PHKB: variants seen among roughly 807,000 people sequenced by gnomAD.
PHKB encodes the protein phosphorylase kinase regulatory subunit beta.
In PHKB, 122 loss-of-function variants were observed where a neutral mutation model predicts 152.1. That is an observed-to-expected ratio of 0.80 (90% CI 0.69 to 0.93). The LOEUF is 0.93. Among genes scored for constraint, PHKB ranks in the 40% least tolerant of loss-of-function variants. The probability of loss-of-function intolerance (pLI) is 0.00; values close to 1 mark genes in which losing one functional copy is unlikely to be tolerated. For synonymous variants in PHKB, 436 were observed against 464.9 expected (o/e 0.94, Z 0.80); for missense variants, 1,304 against 1,328.4 (o/e 0.98, Z 0.29).
At position 47,689,027 on chromosome 16, in the gene PHKB, C is replaced by T. The variant is rs774556056; in HGVS notation, c.2631-14C>T. On this transcript the variant is annotated splice_polypyrimidine_tract_variant and intron_variant, in intron 26 of 30. Coordinates refer to ENST00000323584, the MANE Select transcript of PHKB (RefSeq NM_000293.3). ...CAAGAGTTATTGATTCATGCTTCCC[C>T]TGTTTTGTTTCAGGTGGATCATCCA... 5 of 1,613,826 alleles carry T rather than the reference C, an allele frequency of 3.1e-6. No individual in the cohort carries two copies. The highest frequency in any genetic ancestry group is 1.3e-5 in the African/African-American group (1 of 75,028).
At chr16:47,603,614 C>T (rs1311263419) in intron 13 of PHKB, among the ~76,000 whole-genome samples, 1 of 151,818 alleles carries the variant, frequency 6.6e-6, no homozygotes, top group African/African-American at 2.4e-5. Flanking sequence ...AGCAATCCTC[C>T]TGCCTCAGCC....
intron 7 of PHKB, among the ~76,000 whole-genome samples, chr16:47,557,805 C>G (rs1160702761): frequency 6.6e-6 from 1 of 152,006 alleles, no homozygotes; most frequent in Admixed American, 6.6e-5. Context: ...ACTAGTTCAA[C>G]CATTGTGGAA....
chr16:47,497,315 C>T, intron 1 of PHKB, 84 bp from the exon 2 acceptor site: 1 of 833,602 alleles, frequency 1.2e-6, no homozygotes, highest in Non-Finnish European at 2.0e-6. Context: ...AGATTAAGCA[C>T]TGCTTCTTCA....
At chr16:47,564,439 G>A (rs1971530739) in intron 7 of PHKB, among the ~76,000 whole-genome samples, 1 of 152,008 alleles carries the variant, frequency 6.6e-6, no homozygotes, top group South Asian at 2.1e-4. Flanking sequence ...GACATTAGTG[G>A]CATTTTTTTC....
In PHKB at chr16:47,593,563, TAAGCTTTTTCCTGAAATTTAAGC is replaced by T. The variant is rs558528097; in HGVS notation, c.1126+30_1126+52del. 2.5e-4 allele frequency: 368 copies of T among 1,469,324 alleles called. 1 individual carries two copies. The highest frequency in any genetic ancestry group is 1.3e-3 in the African/African-American group (93 of 72,196). The allele number at this position is 1,469,324 out of a possible 1,614,324, so 91.0% of individuals were successfully genotyped here. On this transcript the variant is annotated splice_region_variant and intron_variant, in intron 11 of 30. Transcript: ENST00000323584. ...CCTTTATATGATGATTGATGGTAAG[TAAGCTTTTTCCTGAAATTTAAGC>T]AAGCTTTTTCCTGAAATTTAAGCTG...
intron 12 of PHKB, among the ~76,000 whole-genome samples, chr16:47,594,542 C>T (rs1394963933): frequency 6.6e-6 from 1 of 152,194 alleles, no homozygotes; most frequent in Non-Finnish European, 1.5e-5. Context: ...AGTGCCCCTC[C>T]TGCGGAGGGC....
At chr16:47,537,688 A>T (rs944239224) in intron 6 of PHKB, among the ~76,000 whole-genome samples, 4 of 152,058 alleles carry the variant, frequency 2.6e-5, no homozygotes, top group African/African-American at 9.7e-5. Flanking sequence ...CCTGGAAAAG[A>T]GTGGTCTGAT....
chr16:47,657,045 T>G (rs967914973), intron 20 of PHKB, among the ~76,000 whole-genome samples: 2 of 152,330 alleles, frequency 1.3e-5, no homozygotes, highest in Admixed American at 1.3e-4. Context: ...TCCTCTTTAG[T>G]GAAGCCTCGG....
chr16:47,525,795 T>C (rs1170530206), intron 6 of PHKB, among the ~76,000 whole-genome samples: 2 of 152,138 alleles, frequency 1.3e-5, no homozygotes, highest in African/African-American at 4.8e-5. Context: ...AAAGCCCCCA[T>C]GTAGGGCTAC....
At chr16:47,681,668 G>A (rs979941635) in intron 26 of PHKB, among the ~76,000 whole-genome samples, 1 of 152,042 alleles carries the variant, frequency 6.6e-6, no homozygotes, top group African/African-American at 2.4e-5. Context: ...GTGTGTCTCT[G>A]CACGTGAGAT....
At chr16:47,597,706 C>T (rs1392845318) in intron 13 of PHKB, 7 of 138,816 alleles carry the variant, frequency 5.0e-5, no homozygotes, top group East Asian at 4.0e-4. Context: ...TTAGTGATTC[C>T]GCTTTTAATT....
chr16:47,631,300 G>A (rs1231346073), intron 14 of PHKB, among the ~76,000 whole-genome samples: 1 of 152,102 alleles, frequency 6.6e-6, no homozygotes, highest in Admixed American at 6.5e-5. Context: ...TGTAACCTTT[G>A]ACAAATTATT....
At chr16:47,610,251 C>T (rs527446495) in intron 13 of PHKB, among the ~76,000 whole-genome samples, 14 of 149,290 alleles carry the variant, frequency 9.4e-5, no homozygotes, top group East Asian at 2.0e-4. Context: ...CCTTGTGATC[C>T]GCCCACCTCA....
At chr16:47,678,964 C>T (rs936382271) in intron 26 of PHKB, among the ~76,000 whole-genome samples, 1 of 152,112 alleles carries the variant, frequency 6.6e-6, no homozygotes, top group East Asian at 1.9e-4. Flanking sequence ...GTAAGGAAGG[C>T]ATCAAGTTTC....
At chr16:47,507,161 A>G (rs773420569) in intron 4 of PHKB, among the ~76,000 whole-genome samples, 22 of 152,142 alleles carry the variant, frequency 1.4e-4, no homozygotes, top group Admixed American at 2.6e-4. Flanking sequence ...TTTTGTAGAG[A>G]CAGGGTTTCT....
rs1035110422 is a variant in PHKB at position 47,699,609 on chromosome 16, T to G, written c.*243T>G. ...TGCCAACTATAATAGTAATCCTCAC[T>G]GAGTGATAAAAATAGTTTATGAATT... On this transcript the variant is annotated 3_prime_UTR_variant, in exon 31 of 31. Coordinates refer to ENST00000323584, the MANE Select transcript of PHKB (RefSeq NM_000293.3). The G allele has an allele frequency of 1.9e-6, 1 of 540,208 alleles. No homozygotes were observed. Among genetic ancestry groups the G allele is most frequent in the Admixed American group, 3.1e-5 (1 of 32,324 alleles). 33.5% of individuals were successfully genotyped at this position (540,208 alleles called of 1,614,324 possible).
chr16:47,492,608 G>T (rs1047617753), intron 1 of PHKB, among the ~76,000 whole-genome samples: 18 of 152,138 alleles, frequency 1.2e-4, no homozygotes, highest in East Asian at 1.9e-4. Context: ...GGCACCCTTG[G>T]TTCACGCACC....
intron 26 of PHKB, chr16:47,676,289 T>A (rs1355695099): frequency 1.3e-5 from 2 of 152,214 alleles, no homozygotes; most frequent in Non-Finnish European, 2.9e-5. Flanking sequence ...ATTTATAGAA[T>A]GTATTCTTTT....
intron 1 of PHKB, among the ~76,000 whole-genome samples, chr16:47,485,578 A>G (rs1186062332): frequency 6.6e-6 from 1 of 152,160 alleles, no homozygotes. Context: ...CTTGGTCAGG[A>G]CTTCATACAT....
Sources: gnomAD v4.1 joint callset for allele counts (sites outside exome capture counted in the v4.1 genomes callset) on GRCh38, gnomAD v4.1.1 for gene constraint, MANE v1.5 for transcripts, NCBI Gene and HGNC (gene_info 2026-07-23, HGNC 2026-07-21) for gene names.